ADGRL2: variants seen among roughly 807,000 people sequenced by gnomAD.
ADGRL2 encodes calcium-independent alpha-latrotoxin receptor 2.
In ADGRL2, 44 loss-of-function variants were observed where a neutral mutation model predicts 157.4. The ratio of observed to expected loss-of-function variants is 0.28; its 90% confidence interval spans 0.22 to 0.36. The LOEUF is 0.36. Ranked by LOEUF, ADGRL2 falls within the 10% of genes least tolerant of loss-of-function variation. The pLI is 1.00. For missense variants in ADGRL2, 1,510 were observed against 1,768.9 expected, an observed-to-expected ratio of 0.85 and a Z score of 2.63; for synonymous variants, 585 against 624.7, an observed-to-expected ratio of 0.94 and a Z score of 0.95.
intron 3 of ADGRL2, among the ~76,000 whole-genome samples, chr1:81,627,763 T>C (rs1442824716): frequency 6.6e-6 from 1 of 152,102 alleles, no homozygotes; most frequent in African/African-American, 2.4e-5. Flanking sequence ...TCAGCTAAAA[T>C]AGTCAAAGCA....
At chr1:81,361,885 AT>A (rs1378113965) in intron 1 of ADGRL2, among the ~76,000 whole-genome samples, 1 of 151,706 alleles carries the variant, frequency 6.6e-6, no homozygotes, top group African/African-American at 2.4e-5. Flanking sequence ...CTATCTATAG[AT>A]TTTTTTCCTC....
intron 2 of ADGRL2, among the ~76,000 whole-genome samples, chr1:81,904,253 A>T (rs139093103): frequency 6.6e-6 from 1 of 152,296 alleles, no homozygotes; most frequent in African/African-American, 2.4e-5. Flanking sequence ...TCACATGTTA[A>T]TAAGCACATT....
chr1:81,647,223 T>C (rs1480810946), intron 3 of ADGRL2, among the ~76,000 whole-genome samples: 1 of 152,168 alleles, frequency 6.6e-6, no homozygotes, highest in Non-Finnish European at 1.5e-5. Flanking sequence ...TACTTAATCA[T>C]TGTATCTCAA....
chr1:81,478,294 C>T (rs76063998), intron 2 of ADGRL2, among the ~76,000 whole-genome samples: 3 of 152,222 alleles, frequency 2.0e-5, no homozygotes, highest in East Asian at 3.9e-4. Context: ...ACAGGCTGGG[C>T]GATATGCCCA....
chr1:81,957,285 A>G (rs1653816983), intron 11 of ADGRL2, among the ~76,000 whole-genome samples: 1 of 152,058 alleles, frequency 6.6e-6, no homozygotes, highest in African/African-American at 2.4e-5. Context: ...AGCCTTACAT[A>G]TATAGAACAC....
chr1:81,366,387 TA>T, intron 1 of ADGRL2, among the ~76,000 whole-genome samples: 1 of 152,274 alleles, frequency 6.6e-6, no homozygotes, highest in Admixed American at 6.5e-5. Context: ...CAAATATTTA[TA>T]GCAACATGCC....
chr1:81,871,693 G>A (rs2151019452), intron 2 of ADGRL2, among the ~76,000 whole-genome samples: 1 of 152,290 alleles, frequency 6.6e-6, no homozygotes, highest in Admixed American at 6.5e-5. Context: ...CGATGATGAT[G>A]AGCATTTTTT....
intron 1 of ADGRL2, among the ~76,000 whole-genome samples, chr1:81,413,305 A>G (rs991128185): frequency 6.6e-6 from 1 of 152,194 alleles, no homozygotes; most frequent in Non-Finnish European, 1.5e-5. Flanking sequence ...GGCCCCAAAA[A>G]GAAACAGACC....
At chr1:81,390,006 G>A (rs759243793) in intron 1 of ADGRL2, among the ~76,000 whole-genome samples, 9 of 152,064 alleles carry the variant, frequency 5.9e-5, no homozygotes, top group Non-Finnish European at 1.2e-4. Flanking sequence ...AATACAGGTT[G>A]AGGTAATGGT....
intron 3 of ADGRL2, among the ~76,000 whole-genome samples, chr1:81,686,990 A>G (rs1449365141): frequency 6.6e-6 from 1 of 152,194 alleles, no homozygotes; most frequent in African/African-American, 2.4e-5. Flanking sequence ...ACTGTAGTCT[A>G]AAAGAATGCT....
intron 2 of ADGRL2, among the ~76,000 whole-genome samples, chr1:81,873,050 T>C (rs2093740308): frequency 6.6e-6 from 1 of 152,084 alleles, no homozygotes; most frequent in African/African-American, 2.4e-5. Context: ...AAAATGAAAA[T>C]GAAGTTAAAG....
At chr1:81,763,937 C>A (rs528274216) in intron 2 of ADGRL2, among the ~76,000 whole-genome samples, 1 of 148,474 alleles carries the variant, frequency 6.7e-6, no homozygotes, top group Non-Finnish European at 1.5e-5. Flanking sequence ...ACCCAGGAGG[C>A]GGATGTTGCA....
intron 3 of ADGRL2, among the ~76,000 whole-genome samples, chr1:81,616,446 C>CT (rs2081648175): frequency 6.6e-6 from 1 of 152,164 alleles, no homozygotes; most frequent in African/African-American, 2.4e-5. Context: ...GATTTCTTCT[C>CT]TCAGGTACTG....
rs369967142 is a variant in ADGRL2 at position 81,633,595 on chromosome 1, CA to C, written c.-143+52640del. On this transcript the variant is annotated intron_variant, in intron 3 of 24. Coordinates refer to the ADGRL2 transcript ENST00000370721. ...TGGGTAACAGAGCAAGACTCTGTCT[CA>C]AAAAAAAAAAAAAAAAAAAAAAAAG... Among the ~76,000 whole-genome samples, 463 of 50,258 alleles carry C rather than the reference CA, an allele frequency of 9.2e-3. 3 individuals carry two copies. The highest frequency in any genetic ancestry group is 0.069 in the Middle Eastern group (5 of 72). 33.0% of individuals were successfully genotyped at this position (50,258 alleles called of 152,430 possible).
intron 3 of ADGRL2, among the ~76,000 whole-genome samples, chr1:81,917,933 A>C (rs1169693857): frequency 6.6e-6 from 1 of 152,210 alleles, no homozygotes; most frequent in African/African-American, 2.4e-5. Context: ...GAACAAGTTC[A>C]TGGGGTCAAA....
rs200866105 is a variant in ADGRL2, at chr1:81,839,841, GTTTTCCATCATATATATATATA to G, written c.73+2806_73+2827del. Among the ~76,000 whole-genome samples the G allele has an allele frequency of 1.4e-4, 13 of 95,944 alleles. No homozygotes were observed. In the East Asian group the frequency reaches 5.3e-3, roughly 39 times the overall value. The allele number at this position is 95,944 out of a possible 152,430, so 62.9% of individuals were successfully genotyped here. A position where few individuals can be genotyped will look rare whatever the true frequency, so the allele number is the denominator to read the frequency against. ...TATATGTTTTCCATCATATATATATGTTTTCCATCATATATATATATATTTTCCATCATATATATATATTTTC... is the reference window on the plus strand; with the variant it reads ...TATATGTTTTCCATCATATATATATGTTTTCCATCATATATATATATTTTC... On this transcript the variant is annotated intron_variant, in intron 2 of 23. Coordinates refer to ENST00000686636, the MANE Select transcript of ADGRL2 (RefSeq NM_001366006.2).
At chr1:81,823,977 A>G (rs2091237101) in intron 1 of ADGRL2, among the ~76,000 whole-genome samples, 1 of 152,178 alleles carries the variant, frequency 6.6e-6, no homozygotes, top group Non-Finnish European at 1.5e-5. Context: ...AAGTTTGTTA[A>G]TATATTTGAT....
intron 3 of ADGRL2, among the ~76,000 whole-genome samples, chr1:81,647,206 T>C (rs2082330898): frequency 6.6e-6 from 1 of 152,200 alleles, no homozygotes; most frequent in Non-Finnish European, 1.5e-5. Flanking sequence ...ATATCACACA[T>C]AGTAGGTACT....
intron 2 of ADGRL2, among the ~76,000 whole-genome samples, chr1:81,880,006 G>T (rs982389308): frequency 6.6e-6 from 1 of 152,146 alleles, no homozygotes; most frequent in Admixed American, 6.6e-5. Flanking sequence ...CAATCTAGGC[G>T]ATAGAGTGAG....
Sources: gnomAD v4.1 joint callset for allele counts (sites outside exome capture counted in the v4.1 genomes callset) on GRCh38, gnomAD v4.1.1 for gene constraint, MANE v1.5 for transcripts, NCBI Gene and HGNC (gene_info 2026-07-23, HGNC 2026-07-21) for gene names.